EPS15: variants seen among roughly 807,000 people sequenced by gnomAD.
The protein encoded by EPS15 is epidermal growth factor receptor pathway substrate 15, also known as epidermal growth factor receptor substrate 15.
A neutral mutation model predicts 113.8 loss-of-function variants in EPS15; 72 were observed. The observed-to-expected ratio is 0.63, with a 90% CI of 0.52 to 0.77. EPS15 has a LOEUF of 0.77. Among genes scored for constraint, EPS15 ranks in the 30% least tolerant of loss-of-function variants. The probability of loss-of-function intolerance (pLI) is 0.00; values close to 1 mark genes in which losing one functional copy is unlikely to be tolerated. For missense variants in EPS15, 1,048 were observed against 1,045.8 expected (o/e 1.00, Z -0.03); for synonymous variants, 344 against 363.4 (o/e 0.95, Z 0.61).
intron 21 of EPS15, among the ~76,000 whole-genome samples, chr1:51,381,117 GGA>G (rs1370891897): frequency 2.0e-5 from 3 of 152,228 alleles, no homozygotes; most frequent in Non-Finnish European, 2.9e-5. Flanking sequence ...CTTTCAATAA[GGA>G]GAGAGAGGAC....
chr1:51,395,344 A>C (rs1647821208), intron 20 of EPS15, among the ~76,000 whole-genome samples: 1 of 152,176 alleles, frequency 6.6e-6, no homozygotes, highest in African/African-American at 2.4e-5. Flanking sequence ...TTTTCCATTA[A>C]TGTCCTTTTT....
chr1:51,448,254 G>C (rs1653234776), intron 8 of EPS15, 119 bp from the exon 9 acceptor site: 1 of 517,120 alleles, frequency 1.9e-6, no homozygotes, highest in African/African-American at 1.9e-5. Context: ...TTAAGAAATT[G>C]GGCTGGGAGG....
intron 12 of EPS15, among the ~76,000 whole-genome samples, chr1:51,428,841 A>G (rs1407923289): frequency 6.6e-6 from 1 of 151,478 alleles, no homozygotes; most frequent in African/African-American, 2.4e-5. Flanking sequence ...AAAAAAAAAA[A>G]AAAAAAAAGT....
At chr1:51,401,093 G>A (rs1648505526) in intron 18 of EPS15, 140 bp from the exon 19 acceptor site, 2 of 548,644 alleles carry the variant, frequency 3.6e-6, no homozygotes, top group Non-Finnish European at 6.5e-6. Flanking sequence ...AATAAGGAAT[G>A]TCATTGACCT....
At chr1:51,469,724 T>G (rs1655107002) in intron 4 of EPS15, among the ~76,000 whole-genome samples, 1 of 152,168 alleles carries the variant, frequency 6.6e-6, no homozygotes, top group African/African-American at 2.4e-5. Context: ...ACTCATTTCT[T>G]GAAAAAATGC....
chr1:51,425,949 GAATA>G (rs1204020363), intron 12 of EPS15, among the ~76,000 whole-genome samples: 1 of 152,056 alleles, frequency 6.6e-6, no homozygotes, highest in African/African-American at 2.4e-5. Flanking sequence ...TATAGTTACA[GAATA>G]AATAATGTAA....
At chr1:51,428,670 T>C (rs1651428893) in intron 12 of EPS15, among the ~76,000 whole-genome samples, 2 of 151,476 alleles carry the variant, frequency 1.3e-5, no homozygotes, top group Non-Finnish European at 2.9e-5. Context: ...CCACTAAAAA[T>C]ACAAAAATTA....
chr1:51,431,310 G>A (rs559274523), intron 12 of EPS15, among the ~76,000 whole-genome samples: 2 of 152,186 alleles, frequency 1.3e-5, no homozygotes, highest in South Asian at 2.1e-4. Context: ...ATTTATGGGT[G>A]TAAGTAACTG....
intron 12 of EPS15, among the ~76,000 whole-genome samples, chr1:51,435,053 A>G (rs1652030454): frequency 6.6e-6 from 1 of 152,088 alleles, no homozygotes; most frequent in Non-Finnish European, 1.5e-5. Flanking sequence ...GTATTTTATC[A>G]CAATTTTTAA....
At chr1:51,413,368 C>T (rs1242472922) in intron 13 of EPS15, among the ~76,000 whole-genome samples, 2 of 152,194 alleles carry the variant, frequency 1.3e-5, no homozygotes, top group African/African-American at 2.4e-5. Context: ...AGGACAGTGT[C>T]CATGCTTCAT....
intron 1 of EPS15, among the ~76,000 whole-genome samples, chr1:51,489,160 AAAG>A (rs1644182306): frequency 6.6e-6 from 1 of 151,566 alleles, no homozygotes; most frequent in African/African-American, 2.4e-5. Context: ...AAACAAAACA[AAAG>A]GAGGAACTGC....
At chr1:51,418,513 C>A (rs1650454109) in intron 13 of EPS15, among the ~76,000 whole-genome samples, 1 of 151,906 alleles carries the variant, frequency 6.6e-6, no homozygotes, top group African/African-American at 2.4e-5. Flanking sequence ...GGGAAAATGG[C>A]CACACAAAGC....
intron 1 of EPS15, among the ~76,000 whole-genome samples, chr1:51,507,135 T>C (rs1213822082): frequency 6.6e-6 from 1 of 152,166 alleles, no homozygotes; most frequent in East Asian, 1.9e-4. Context: ...ATTTCAAAAC[T>C]CAAATGTATA....
In EPS15 at chr1:51,361,209, T is replaced by C; in HGVS notation, c.2506A>G (p.Lys836Glu). Residue 836 changes from lysine (K) to glutamate (E), a missense_variant, in exon 24 of 25, where the codon AAA (lysine) becomes GAA (glutamate). Lys to Glu is a moderately conservative substitution (Grantham distance 56, BLOSUM62 1). Coordinates refer to ENST00000371733, the MANE Select transcript of EPS15 (RefSeq NM_001981.3). Reference sequence around the variant, plus strand: ...GCAAAATTGCTTGGATCAGCCTCTTTATTGGTAGTGGTAGTAGCAGAAGTG... The same window carrying C: ...GCAAAATTGCTTGGATCAGCCTCTTCATTGGTAGTGGTAGTAGCAGAAGTG... ...PFTSATTTTN[K>E]EADPSNFANF... The C allele has an allele frequency of 6.2e-7, 1 of 1,614,084 alleles. No homozygotes were observed. Among genetic ancestry groups the C allele is most frequent in the Non-Finnish European group, 8.5e-7 (1 of 1,179,940 alleles).
At chr1:51,451,593 A>G (rs923233453) in intron 8 of EPS15, among the ~76,000 whole-genome samples, 2 of 151,590 alleles carry the variant, frequency 1.3e-5, no homozygotes, top group African/African-American at 4.9e-5. Context: ...GGATAAATGG[A>G]GCAATTGAGA....
chr1:51,450,107 T>C (rs1393119596), intron 8 of EPS15, among the ~76,000 whole-genome samples: 1 of 151,474 alleles, frequency 6.6e-6, no homozygotes, highest in African/African-American at 2.4e-5. Flanking sequence ...TTGGAGAGGA[T>C]GTGTTCTGGT....
chr1:51,492,124 C>A (rs967756565), intron 1 of EPS15, among the ~76,000 whole-genome samples: 1 of 152,152 alleles, frequency 6.6e-6, no homozygotes, highest in Non-Finnish European at 1.5e-5. Context: ...GCTGAGATTA[C>A]AGGCATGAGC....
intron 12 of EPS15, among the ~76,000 whole-genome samples, chr1:51,439,038 G>A (rs1485833671): frequency 6.6e-6 from 1 of 152,014 alleles, no homozygotes; most frequent in East Asian, 1.9e-4. Context: ...CCAGAAGAGA[G>A]GCACTCTTCA....
chr1:51,475,292 C>T (rs1655587724), intron 2 of EPS15, among the ~76,000 whole-genome samples: 1 of 152,128 alleles, frequency 6.6e-6, no homozygotes, highest in African/African-American at 2.4e-5. Context: ...GTTTACACTC[C>T]CATCAACAGT....
Sources: allele counts gnomAD v4.1 joint callset (sites outside exome capture counted in the v4.1 genomes callset), GRCh38; gene constraint gnomAD v4.1.1; transcripts MANE v1.5; gene names NCBI Gene and HGNC (gene_info 2026-07-23, HGNC 2026-07-21).